The following MUC5B variants were observed in gnomAD, a reference collection of about 807,000 sequenced individuals.
MUC5B encodes the protein mucin-5B.
Under a neutral mutation model 376.9 loss-of-function variants are expected in MUC5B, and 116 were observed. The ratio of observed to expected loss-of-function variants is 0.31; its 90% CI spans 0.26 to 0.36. MUC5B has a LOEUF of 0.36. MUC5B is among the 10% of genes least tolerant of loss of function. The pLI, the probability that MUC5B is intolerant of heterozygous loss-of-function variation, is 1.00. For missense variants in MUC5B, 7,165 were observed against 7,769.9 expected (o/e 0.92, Z 2.93); for synonymous variants, 3,517 against 3,390.9 (o/e 1.04, Z -1.29).
At chr11:1,233,661 A>T in intron 18 of MUC5B, 132 bp from the exon 19 acceptor site, 1 of 832,226 alleles carries the variant, frequency 1.2e-6, no homozygotes, top group Non-Finnish European at 2.0e-6. Flanking sequence ...ACACAGCAGC[A>T]GGCACCGTCT....
rs1346494319 is a variant in MUC5B, at chr11:1,242,283, AG to A, written c.5407del (p.Val1803LeufsTer26). 1 of 1,613,828 alleles carries A rather than the reference AG, an allele frequency of 6.2e-7. No homozygotes were observed. Among genetic ancestry groups the A allele is most frequent in the Non-Finnish European group, 8.5e-7 (1 of 1,179,866 alleles). On this transcript the variant is annotated frameshift_variant, in exon 31 of 49. Coordinates refer to ENST00000529681, the MANE Select transcript of MUC5B (RefSeq NM_002458.3). LOFTEE classifies it high-confidence loss of function. ...GGTTTGACGTGGACTTCCCAACCTC[AG>A]GGGTTGCAGGCGGGGACATGGAAAC... ...EWFDVDFPTS[G>X]VAGGDMETFE...
Position 1,228,775 on chromosome 11 carries a change from C to G in MUC5B, c.976+10C>G, listed in dbSNP as rs919603456. 19 of 1,490,386 alleles carry G rather than the reference C, an allele frequency of 1.3e-5. No individual in the cohort carries two copies. In the African/African-American group the frequency reaches 2.6e-4, roughly 21 times the overall value. The allele number at this position is 1,490,386 out of a possible 1,614,324, so 92.3% of individuals were successfully genotyped here. A position where few individuals can be genotyped will look rare whatever the true frequency, so the allele number is the denominator to read the frequency against. The stretch of plus-strand genomic sequence containing the variant: ...TGCCCTGAGCTCTGCCGTGAGTGCT[C>G]CCAGGGCCTTCGCCAGGGATTGTGC... On this transcript the variant is annotated intron_variant, in intron 8 of 48. Coordinates refer to ENST00000529681, the MANE Select transcript of MUC5B (RefSeq NM_002458.3).
At chr11:1,239,742 C>T in intron 27 of MUC5B, 57 bp from the exon 28 acceptor site, 1 of 1,550,666 alleles carries the variant, frequency 6.4e-7, no homozygotes, top group Non-Finnish European at 8.7e-7. Context: ...CATGGAGCCC[C>T]TGGCTGGAGA....
In MUC5B at chr11:1,258,496, T is replaced by C; in HGVS notation, c.16593+129T>C. The C allele has an allele frequency of 8.9e-7, 1 of 1,120,982 alleles. No homozygotes were observed. Among genetic ancestry groups the C allele is most frequent in the East Asian group, 2.6e-5 (1 of 39,014 alleles). 69.4% of individuals were successfully genotyped at this position (1,120,982 alleles called of 1,614,324 possible). ...TGAGGGCCGATCCGCACAGGGGCCC[T>C]GGACACGTCAGAGCTGGGACATGCT... On this transcript the variant is annotated intron_variant, in intron 43 of 48. Transcript: ENST00000529681. This position sits in a 1 kb window ranked among gnomAD's most constrained non-coding sequence, Gnocchi z 5.5.
intron 23 of MUC5B, 113 bp downstream of exon 23, chr11:1,235,526 C>A: frequency 1.1e-6 from 1 of 906,018 alleles, no homozygotes; most frequent in Non-Finnish European, 1.7e-6. Context: ...GTGTCCTGGC[C>A]CCGGGCTGCT....
In MUC5B at chr11:1,237,151, C is replaced by T. The variant is rs751979562; in HGVS notation, c.3284C>T (p.Ala1095Val). 4.2e-6 allele frequency: 6 copies of T among 1,433,444 alleles called. No homozygotes were observed. The highest frequency in any genetic ancestry group is 2.7e-5 in the East Asian group (1 of 37,416). 88.8% of individuals were successfully genotyped at this position (1,433,444 alleles called of 1,614,324 possible). A position where few individuals can be genotyped will look rare whatever the true frequency, so the allele number is the denominator to read the frequency against. Residue 1095 changes from alanine to valine, a missense_variant, in exon 25 of 49, where the codon GCC becomes GTC. By Grantham distance (64) the Ala-to-Val change is moderately conservative. Transcript: ENST00000529681. ...CSILHGPTFA[A>V]CRSQVDSTKY... Reference sequence around the variant, plus strand: ...ATCCTCCACGGCCCCACCTTCGCCGCCTGCCGCTCCCAGGTGGGGCTCTGG... The same window carrying T: ...ATCCTCCACGGCCCCACCTTCGCCGTCTGCCGCTCCCAGGTGGGGCTCTGG...
At chr11:1,255,624 G>A (rs1862820887) in intron 37 of MUC5B, 66 bp downstream of exon 37, 1 of 536,050 alleles carries the variant, frequency 1.9e-6, no homozygotes, top group African/African-American at 2.3e-5. Flanking sequence ...TGCGGTGAGT[G>A]GGGGCGGCCC....
rs1197108576 is a variant in MUC5B at position 1,230,989 on chromosome 11, G to C, written c.1524G>C (p.Gln508His). The C allele has an allele frequency of 1.4e-5, 23 of 1,596,934 alleles. No homozygotes were observed. The highest frequency in any genetic ancestry group is 1.8e-5 in the Non-Finnish European group (21 of 1,173,080). The change falls in exon 13 of 49, where the codon CAG becomes CAC. Residue 508 changes from glutamine (Q) to histidine (H), a missense_variant. Gln to His is a conservative substitution (Grantham distance 24). Transcript: ENST00000529681. The part of the protein sequence containing the change: ...GGVFLNSIYT[Q>H]LPLSAANITL... The stretch of plus-strand genomic sequence containing the variant: ...TGTTCCTCAACTCCATCTACACGCA[G>C]CTGCCCCTGTCGGCAGGTATGTGGC...
chr11:1,240,461 TG>T, intron 30 of MUC5B, 86 bp downstream of exon 30: 1 of 1,269,046 alleles, frequency 7.9e-7, no homozygotes, highest in Non-Finnish European at 1.1e-6. Flanking sequence ...GTGCCCTGTA[TG>T]GTAGCGACAG....
At chr11:1,229,106 G>A (rs1861962929) in intron 8 of MUC5B, 64 bp from the exon 9 acceptor site, 5 of 1,462,328 alleles carry the variant, frequency 3.4e-6, no homozygotes, top group Non-Finnish European at 3.6e-6. Flanking sequence ...GAAGGCGGCT[G>A]GGGCTGACCA....
rs535420854 is a variant in MUC5B at position 1,251,028 on chromosome 11, C to T, written c.14148C>T (p.Pro4716=). 2.6e-4 allele frequency: 415 copies of T among 1,610,554 alleles called. 14 individuals are homozygous for T. The highest frequency in any genetic ancestry group is 5.1e-4 in the African/African-American group (38 of 74,724). ...TGCTGACCAGCACGGCCACCACACC[C>T]GCAGCCACCAGCTCCAAAGCCACTT... is the stretch of plus-strand genomic sequence containing the variant. ...TPVLTSTATT[P]AATSSKATSS... The change falls in exon 31 of 49, where the codon CCC becomes CCT. Residue 4716 remains proline (P), a synonymous_variant. Transcript: ENST00000529681.
At position 1,223,069 on chromosome 11, in the gene MUC5B, C is replaced by T. The variant is rs536367041; in HGVS notation, c.-55C>T. The T allele has an allele frequency of 4.1e-5, 28 of 683,714 alleles. No homozygotes were observed. Among genetic ancestry groups the T allele is most frequent in the Admixed American group, 3.5e-4 (17 of 47,904 alleles). 42.4% of individuals were successfully genotyped at this position (683,714 alleles called of 1,614,324 possible). A position where few individuals can be genotyped will look rare whatever the true frequency, so the allele number is the denominator to read the frequency against. ...TGGGGCCCCCAGGGGAGCAAGCACC[C>T]GGCCCGGCTCCCTCCCTGCCCGTCC... On this transcript the variant is annotated 5_prime_UTR_variant, in exon 1 of 49. Transcript: ENST00000529681.
Position 1,249,243 on chromosome 11 carries a change from C to T in MUC5B, c.12363C>T (p.Thr4121=). 6.2e-7 allele frequency: 1 copy of T among 1,611,552 alleles called. No homozygotes were observed. Among genetic ancestry groups the T allele is most frequent in the Non-Finnish European group, 8.5e-7 (1 of 1,179,608 alleles). The change falls in exon 31 of 49, where the codon ACC becomes ACT. Residue 4121 remains threonine (T), a synonymous_variant. Coordinates refer to ENST00000529681, the MANE Select transcript of MUC5B (RefSeq NM_002458.3). ...LPSSPTSAPI[T]TVVTTGCEPQ... ...GCAGCCCCACATCGGCCCCCATAAC[C>T]ACGGTGGTGACCACGGGCTGTGAGC...
At position 1,251,688 on chromosome 11, in the gene MUC5B, C is replaced by T. The variant is rs1163409713; in HGVS notation, c.14808C>T (p.Ser4936=). ...LTTLRPTGFP[S]SHFSTPCFCR... ...CCCTGAGACCCACTGGCTTCCCCAG[C>T]TCCCACTTCTCTACTCCCTGCTTCT... Residue 4936 remains serine (S), a synonymous_variant, in exon 31 of 49, where the codon AGC becomes AGT. Coordinates refer to ENST00000529681, the MANE Select transcript of MUC5B (RefSeq NM_002458.3). The T allele has an allele frequency of 6.2e-7, 1 of 1,612,438 alleles. No homozygotes were observed. The highest frequency in any genetic ancestry group is 8.5e-7 in the Non-Finnish European group (1 of 1,179,472).
In MUC5B at chr11:1,241,334, G is replaced by C. The variant is rs200074606; in HGVS notation, c.4454G>C (p.Gly1485Ala). 464 of 1,610,642 alleles carry C rather than the reference G, an allele frequency of 2.9e-4. 3 individuals are homozygous for C. Among genetic ancestry groups the C allele is most frequent in the Non-Finnish European group, 6.0e-5 (71 of 1,178,408 alleles). ...RSTAALTSQT[G>A]SSSGPVTVTP... ...ACGGCGGCCCTCACCTCGCAGACTG[G>C]GTCCAGCTCAGGCCCCGTGACGGTC... Residue 1485 changes from glycine to alanine, a missense_variant, in exon 31 of 49, where the codon GGG becomes GCG. This residue lies in a region of MUC5B where 517 missense variants were observed against 545.3 expected (regional missense o/e 0.95). Coordinates refer to ENST00000529681, the MANE Select transcript of MUC5B (RefSeq NM_002458.3).
intron 44 of MUC5B, among the ~76,000 whole-genome samples, chr11:1,259,264 T>A (rs1862936985): frequency 7.0e-6 from 1 of 142,506 alleles, no homozygotes; most frequent in Non-Finnish European, 1.5e-5. Flanking sequence ...CCGAGGCACC[T>A]GCCCCCAGGT....
chr11:1,252,977 G>A lies in MUC5B; in HGVS notation c.15214G>A (p.Glu5072Lys), dbSNP rs761549381. The change falls in exon 33 of 49, where the codon GAG becomes AAG. Residue 5072 changes from glutamate (E) to lysine (K), a missense_variant. Physicochemically the swap from Glu to Lys is moderately conservative, Grantham distance 56. Coordinates refer to ENST00000529681, the MANE Select transcript of MUC5B (RefSeq NM_002458.3). Reference protein sequence around the residue: ...SQPCDFHYECECICSMWGGSH... With the variant: ...SQPCDFHYECKCICSMWGGSH... Reference sequence around the variant, plus strand: ...GCCCTGTGACTTCCACTATGAGTGCGAGTGTGAGTGCGTCGGTGGCCGCGG... The same window carrying A: ...GCCCTGTGACTTCCACTATGAGTGCAAGTGTGAGTGCGTCGGTGGCCGCGG... 7 of 1,612,606 alleles carry A rather than the reference G, an allele frequency of 4.3e-6. No homozygotes were observed. Among genetic ancestry groups the A allele is most frequent in the East Asian group, 2.2e-5 (1 of 44,882 alleles).
At chr11:1,260,207 C>T (rs1862960348) in intron 46 of MUC5B, 122 bp downstream of exon 46, 1 of 1,400,926 alleles carries the variant, frequency 7.1e-7, no homozygotes, top group African/African-American at 1.4e-5. Flanking sequence ...CCCACCCCTG[C>T]CTGGGAAGCC....
At chr11:1,238,647 G>A (rs1000892206) in intron 25 of MUC5B, among the ~76,000 whole-genome samples, 2 of 152,196 alleles carry the variant, frequency 1.3e-5, no homozygotes, top group Non-Finnish European at 2.9e-5. Flanking sequence ...CAGATGGGCA[G>A]GTGGGCAGGG....
Sources: gnomAD v4.1 joint callset for allele counts (sites outside exome capture counted in the v4.1 genomes callset) on GRCh38, gnomAD v4.1.1 for gene constraint, gnomAD v4.1.1 regional missense constraint, Gnocchi (gnomAD v3.1) non-coding constraint, MANE v1.5 for transcripts, NCBI Gene and HGNC (gene_info 2026-07-23, HGNC 2026-07-21) for gene names.